The following ATXN7 variants were observed in gnomAD, a reference collection of about 807,000 sequenced individuals.
ATXN7 encodes the protein ataxin 7.
A neutral mutation model predicts 70.5 loss-of-function variants in ATXN7; 12 were observed. That is an observed-to-expected ratio of 0.17 (90% CI 0.11 to 0.28). The LOEUF (loss-of-function observed/expected upper bound fraction) is 0.28. Ranked by LOEUF, ATXN7 falls within the 10% of genes least tolerant of loss-of-function variation. The probability of loss-of-function intolerance (pLI) is 1.00; values close to 1 mark genes in which losing one functional copy is unlikely to be tolerated. For missense variants in ATXN7, 1,256 were observed against 1,131.7 expected (o/e 1.11, Z -1.58); for synonymous variants, 498 against 448.7 (o/e 1.11, Z -1.39).
chr3:63,969,024 C>G (rs557525061), intron 5 of ATXN7, among the ~76,000 whole-genome samples: 6 of 152,256 alleles, frequency 3.9e-5, no homozygotes, highest in African/African-American at 1.4e-4. Flanking sequence ...TTCACTGTTT[C>G]TGCTTTCGTT....
intron 5 of ATXN7, among the ~76,000 whole-genome samples, chr3:63,957,230 G>T (rs2075054977): frequency 6.6e-6 from 1 of 152,040 alleles, no homozygotes; most frequent in South Asian, 2.1e-4. Context: ...ATAGATGAAT[G>T]ATGTTTATTC....
chr3:63,914,884 C>T (rs1256349657), intron 4 of ATXN7, among the ~76,000 whole-genome samples: 1 of 152,156 alleles, frequency 6.6e-6, no homozygotes, highest in East Asian at 1.9e-4. Flanking sequence ...AAACTACCTA[C>T]TTGAGGCACA....
chr3:63,996,225 T>C lies in ATXN7; in HGVS notation c.2403T>C (p.Thr801=), dbSNP rs369936038. The part of the protein sequence containing the change: ...MSVMVNSSDS[T]LSLGPFIHQS... ...TGATGGTGAACAGCAGTGATTCTACTCTTTCTCTTGGGCCATTCATTCACC... is the reference window on the plus strand; with the variant it reads ...TGATGGTGAACAGCAGTGATTCTACCCTTTCTCTTGGGCCATTCATTCACC... Residue 801 remains threonine, a synonymous_variant, in exon 12 of 13, where the codon ACT becomes ACC. Transcript: ENST00000674280. 4.2e-5 allele frequency: 67 copies of C among 1,614,046 alleles called. No individual in the cohort carries two copies. The African/African-American group carries it at 7.3e-4, about 18-fold the overall frequency.
chr3:63,911,330 ATGT>A (rs1184353679), intron 2 of ATXN7, among the ~76,000 whole-genome samples: 7 of 152,156 alleles, frequency 4.6e-5, no homozygotes, highest in Non-Finnish European at 7.3e-5. Flanking sequence ...CGCTAAGCAA[ATGT>A]TGTGTATGTT....
At chr3:63,937,043 G>A (rs1191691993) in intron 4 of ATXN7, among the ~76,000 whole-genome samples, 1 of 152,194 alleles carries the variant, frequency 6.6e-6, no homozygotes, top group African/African-American at 2.4e-5. Flanking sequence ...GAGTGAAAAT[G>A]TTCCTGCCTA....
intron 1 of ATXN7, chr3:63,867,069 T>C (rs1244950430): frequency 6.6e-6 from 1 of 152,088 alleles, no homozygotes; most frequent in Admixed American, 6.5e-5. Context: ...CTATATATGG[T>C]CTTTATTCTG....
intron 4 of ATXN7, among the ~76,000 whole-genome samples, chr3:63,944,176 G>T (rs146166454): frequency 1.1e-3 from 170 of 152,248 alleles, no homozygotes; most frequent in African/African-American, 4.1e-3. Flanking sequence ...ATCTGCGGGG[G>T]ATACTTTCCA....
chr3:63,919,815 G>T (rs962354277), intron 4 of ATXN7, among the ~76,000 whole-genome samples: 23 of 138,856 alleles, frequency 1.7e-4, no homozygotes, highest in African/African-American at 6.0e-4. Context: ...GTTGGGAGCA[G>T]TTCACATACA....
At chr3:63,967,919 G>A (rs2075253324) in intron 5 of ATXN7, 1 of 1,535,930 alleles carries the variant, frequency 6.5e-7, no homozygotes, top group Non-Finnish European at 8.7e-7. Context: ...TGAATGGAAG[G>A]TAGCAAGACG....
chr3:63,880,232 A>G (rs917398640), intron 1 of ATXN7, among the ~76,000 whole-genome samples: 4 of 152,226 alleles, frequency 2.6e-5, no homozygotes, highest in African/African-American at 4.8e-5. Context: ...ACACTTACCT[A>G]TAATAATTGG....
intron 12 of ATXN7, chr3:63,997,696 C>G (rs758478445): frequency 7.8e-5 from 121 of 1,551,458 alleles, no homozygotes; most frequent in Non-Finnish European, 1.0e-4. Context: ...ATGTGAGGCT[C>G]TTTTTCATGA....
chr3:63,933,904 TTC>T (rs2107347090), intron 4 of ATXN7, among the ~76,000 whole-genome samples: 1 of 152,206 alleles, frequency 6.6e-6, no homozygotes, highest in East Asian at 1.9e-4. Context: ...CTAGTTGATT[TTC>T]TCTTTTCTGT....
At chr3:63,950,431 A>G (rs1299297799) in intron 4 of ATXN7, among the ~76,000 whole-genome samples, 1 of 152,186 alleles carries the variant, frequency 6.6e-6, no homozygotes. Flanking sequence ...AACACTGTTT[A>G]TTTAATACTG....
intron 5 of ATXN7, among the ~76,000 whole-genome samples, chr3:63,953,689 C>G (rs1191791422): frequency 6.8e-6 from 1 of 148,008 alleles, no homozygotes; most frequent in Non-Finnish European, 1.5e-5. Flanking sequence ...GCCTCTCTGT[C>G]ATCCACGTTG....
chr3:63,935,403 A>C (rs1349265859), intron 4 of ATXN7, among the ~76,000 whole-genome samples: 1 of 152,124 alleles, frequency 6.6e-6, no homozygotes, highest in Non-Finnish European at 1.5e-5. Context: ...GTATTTCTGA[A>C]ATCAGAATGG....
At chr3:63,889,234 A>T (rs919278136) in intron 1 of ATXN7, among the ~76,000 whole-genome samples, 1 of 152,202 alleles carries the variant, frequency 6.6e-6, no homozygotes, top group Non-Finnish European at 1.5e-5. Context: ...TCCTATCAAC[A>T]AAGTAGATAT....
chr3:63,895,979 C>G (rs529978690), intron 1 of ATXN7, among the ~76,000 whole-genome samples: 1 of 152,150 alleles, frequency 6.6e-6, no homozygotes, highest in African/African-American at 2.4e-5. Context: ...CAAACTAGAC[C>G]CTCTTCATCT....
chr3:63,945,634 T>C (rs1174951047), intron 4 of ATXN7, among the ~76,000 whole-genome samples: 1 of 152,260 alleles, frequency 6.6e-6, no homozygotes, highest in Non-Finnish European at 1.5e-5. Flanking sequence ...ATTGCTGCTT[T>C]CTGTCAGCCA....
intron 4 of ATXN7, among the ~76,000 whole-genome samples, chr3:63,937,599 C>T (rs770959108): frequency 6.6e-6 from 1 of 152,146 alleles, no homozygotes; most frequent in Non-Finnish European, 1.5e-5. Context: ...ATGTAAGACG[C>T]TGGGTCACTT....
Sources: allele counts gnomAD v4.1 joint callset (sites outside exome capture counted in the v4.1 genomes callset), GRCh38; gene constraint gnomAD v4.1.1; transcripts MANE v1.5; gene names NCBI Gene and HGNC (gene_info 2026-07-23, HGNC 2026-07-21).